Variants in CCDC66 observed in about 807,000 individuals in gnomAD.
CCDC66 encodes coiled-coil domain containing 66.
Under a neutral mutation model 128.3 loss-of-function variants are expected in CCDC66, and 133 were observed. The ratio of observed to expected loss-of-function variants is 1.04; its 90% CI spans 0.90 to 1.20. The LOEUF (loss-of-function observed/expected upper bound fraction) is 1.20, where lower values mean the gene tolerates loss of function less well. Ranked by LOEUF, CCDC66 falls within the 50% of genes most tolerant of loss-of-function variation. The probability of loss-of-function intolerance (pLI) is 0.00; values close to 1 mark genes in which losing one functional copy is unlikely to be tolerated. For missense variants in CCDC66, 1,126 were observed against 1,075.5 expected (o/e 1.05, Z -0.66); for synonymous variants, 387 against 357.0 (o/e 1.08, Z -0.95).
intron 6 of CCDC66, chr3:56,569,951 C>T (rs2066409978): frequency 6.6e-6 from 1 of 152,252 alleles, no homozygotes; most frequent in South Asian, 2.1e-4. Context: ...TCTCCTGCCT[C>T]AGCCTCCTGA....
chr3:56,560,819 C>T (rs1172874731), intron 3 of CCDC66: 4 of 440,988 alleles, frequency 9.1e-6, no homozygotes, highest in Non-Finnish European at 4.5e-6. Context: ...AGGAATTTCT[C>T]TTCTCTTCCA....
chr3:56,573,569 A>G (rs889547952), intron 7 of CCDC66, among the ~76,000 whole-genome samples: 4 of 152,256 alleles, frequency 2.6e-5, no homozygotes, highest in African/African-American at 9.6e-5. Flanking sequence ...ATGTACAAAA[A>G]ATGTCAGCGT....
In CCDC66 at chr3:56,584,130, G is replaced by A. The variant is rs1427355322; in HGVS notation, c.937-8840G>A. 8.9e-4 allele frequency among the ~76,000 whole-genome samples: 121 copies of A among 135,768 alleles called. 1 individual carries two copies. Among genetic ancestry groups the A allele is most frequent in the African/African-American group, 2.7e-3 (105 of 38,244 alleles). 89.1% of individuals were successfully genotyped at this position (135,768 alleles called of 152,430 possible). ...GGGGGCTGCCCCCCACCTCCCTCCCGGACGGGGCGGCTGGCCGGGCGGGGG... is the reference window on the plus strand; with the variant it reads ...GGGGGCTGCCCCCCACCTCCCTCCCAGACGGGGCGGCTGGCCGGGCGGGGG... On this transcript the variant is annotated intron_variant, in intron 7 of 17. Coordinates refer to ENST00000394672, the MANE Select transcript of CCDC66 (RefSeq NM_001141947.3).
At chr3:56,619,599 C>A (rs1215926084) in intron 16 of CCDC66, 72 bp downstream of exon 16, 2 of 1,512,496 alleles carry the variant, frequency 1.3e-6, no homozygotes, top group African/African-American at 1.4e-5. Context: ...ACTTTAAATT[C>A]CAAATTAGTA....
Position 56,613,583 on chromosome 3 carries a change from G to T in CCDC66, c.1405-6G>T. The stretch of plus-strand genomic sequence containing the variant: ...GACAATGATTTACGTGATTGCTTAT[G>T]ACTAGAAAGCCATCACTGCCCAGGT... On this transcript the variant is annotated splice_polypyrimidine_tract_variant and splice_region_variant and intron_variant, in intron 10 of 17. Coordinates refer to ENST00000394672, the MANE Select transcript of CCDC66 (RefSeq NM_001141947.3). 6.2e-7 allele frequency: 1 copy of T among 1,606,398 alleles called. No individual in the cohort carries two copies. The highest frequency in any genetic ancestry group is 8.5e-7 in the Non-Finnish European group (1 of 1,178,048).
intron 1 of CCDC66, among the ~76,000 whole-genome samples, chr3:56,558,452 T>C (rs978770916): frequency 2.0e-5 from 3 of 152,232 alleles, no homozygotes; most frequent in Admixed American, 6.5e-5. Flanking sequence ...CAGCACTCCA[T>C]AGAATGTTTT....
chr3:56,607,374 A>T lies in CCDC66; in HGVS notation c.1405-6215A>T, dbSNP rs895222471. Among the ~76,000 whole-genome samples, 9 of 152,186 alleles carry T rather than the reference A, an allele frequency of 5.9e-5. 1 individual carries two copies. Among genetic ancestry groups the T allele is most frequent in the Admixed American group, 1.3e-4 (2 of 15,288 alleles). ...GTCTTTCGACTCCTTTGTTAGGTAT[A>T]TTCCTAAGTATTTTATATATTTTTT... On this transcript the variant is annotated intron_variant, in intron 10 of 17. Transcript: ENST00000394672.
intron 7 of CCDC66, among the ~76,000 whole-genome samples, chr3:56,575,296 T>C (rs2067205386): frequency 6.6e-6 from 1 of 151,864 alleles, no homozygotes. Context: ...CCAATGGTTG[T>C]GAAATGGTAT....
At chr3:56,616,094 A>G in intron 13 of CCDC66, 41 bp downstream of exon 13, 1 of 1,531,494 alleles carries the variant, frequency 6.5e-7, no homozygotes, top group Non-Finnish European at 8.8e-7. Context: ...AAATTTACTT[A>G]AAGTCATAAT....
intron 1 of CCDC66, chr3:56,557,585 G>A (rs891980501): frequency 8.3e-6 from 3 of 362,448 alleles, no homozygotes; most frequent in South Asian, 5.0e-5. Context: ...AAGCGTGGCG[G>A]CTCCTGGGGA....
Position 56,617,600 on chromosome 3 carries a change from A to G in CCDC66, c.2332A>G (p.Lys778Glu), listed in dbSNP as rs747129992. ...TESKLRWHLVKKEEEPLNIHS... is the reference protein window; with the variant it reads ...TESKLRWHLVEKEEEPLNIHS... Reference sequence around the variant, plus strand: ...GTCAAAGTTGAGGTGGCATCTAGTCAAAAAGGTAAAGCTCTTCCATCTTAG... The same window carrying G: ...GTCAAAGTTGAGGTGGCATCTAGTCGAAAAGGTAAAGCTCTTCCATCTTAG... Residue 778 changes from lysine to glutamate, a missense_variant, in exon 14 of 18, where the codon AAA becomes GAA. Transcript: ENST00000394672. The G allele has an allele frequency of 3.0e-5, 48 of 1,595,804 alleles. No homozygotes were observed. Among genetic ancestry groups the G allele is most frequent in the South Asian group, 1.7e-4 (15 of 87,432 alleles).
chr3:56,592,934 ACTG>A (rs1559696864), intron 7 of CCDC66, 33 bp from the exon 8 acceptor site: 1 of 1,593,712 alleles, frequency 6.3e-7, no homozygotes, highest in Admixed American at 1.8e-5. Context: ...GAAAAAGAGA[ACTG>A]AACTTTAGAT....
chr3:56,594,555 G>T (rs747266389), intron 10 of CCDC66, among the ~76,000 whole-genome samples: 3 of 151,824 alleles, frequency 2.0e-5, no homozygotes, highest in Non-Finnish European at 4.4e-5. Context: ...GGTGGCAGGC[G>T]CCTGTAGTCC....
At chr3:56,608,703 GTC>G (rs151244535) in intron 10 of CCDC66, among the ~76,000 whole-genome samples, 1 of 152,194 alleles carries the variant, frequency 6.6e-6, no homozygotes, top group African/African-American at 2.4e-5. Flanking sequence ...TAGATTGTCT[GTC>G]TGTGCTCTTT....
chr3:56,599,173 C>T (rs1482886882), intron 10 of CCDC66, among the ~76,000 whole-genome samples: 1 of 151,898 alleles, frequency 6.6e-6, no homozygotes, highest in Non-Finnish European at 1.5e-5. Flanking sequence ...GGAATTTATC[C>T]ATTTCTTCTA....
chr3:56,597,291 G>T (rs1038825501), intron 10 of CCDC66, among the ~76,000 whole-genome samples: 1 of 151,966 alleles, frequency 6.6e-6, no homozygotes, highest in East Asian at 1.9e-4. Context: ...ATGCTGTTGT[G>T]GTTCCTATAG....
chr3:56,566,389 T>C (rs943789113), intron 4 of CCDC66, among the ~76,000 whole-genome samples: 1 of 152,184 alleles, frequency 6.6e-6, no homozygotes, highest in African/African-American at 2.4e-5. Context: ...CCTTCCAAAG[T>C]TCTGGGACTA....
At chr3:56,580,178 T>A (rs1392923232) in intron 7 of CCDC66, among the ~76,000 whole-genome samples, 1 of 151,878 alleles carries the variant, frequency 6.6e-6, no homozygotes, top group Non-Finnish European at 1.5e-5. Context: ...CTTCTTTGTC[T>A]CTTTTGATCT....
At chr3:56,610,054 G>A (rs2107283012) in intron 10 of CCDC66, among the ~76,000 whole-genome samples, 1 of 152,284 alleles carries the variant, frequency 6.6e-6, no homozygotes, top group South Asian at 2.1e-4. Context: ...CTGTGCCTAG[G>A]CAGAGATCTT....
Sources: allele counts gnomAD v4.1 joint callset (sites outside exome capture counted in the v4.1 genomes callset), GRCh38; gene constraint gnomAD v4.1.1; transcripts MANE v1.5; gene names NCBI Gene and HGNC (gene_info 2026-07-23, HGNC 2026-07-21).